Variants in SEC24D observed in about 807,000 individuals in gnomAD.
SEC24D encodes SEC24 homolog D, COPII component, also known as protein transport protein Sec24D.
A neutral mutation model predicts 116.9 loss-of-function variants in SEC24D; 69 were observed. The observed-to-expected ratio is 0.59, with a 90% CI of 0.49 to 0.72. The LOEUF (loss-of-function observed/expected upper bound fraction) is 0.72, where lower values mean the gene tolerates loss of function less well. SEC24D is among the 30% of genes least tolerant of loss of function. The pLI is 0.00. For synonymous variants in SEC24D, 405 were observed against 442.8 expected (o/e 0.91, Z 1.07); for missense variants, 1,131 against 1,264.1 (o/e 0.89, Z 1.60).
intron 18 of SEC24D, 87 bp from the exon 19 acceptor site, chr4:118,738,466 ATT>A: frequency 4.3e-6 from 4 of 932,008 alleles, no homozygotes; most frequent in Non-Finnish European, 7.0e-6. Flanking sequence ...ACAAGTTGCT[ATT>A]ATCTTCAGAC....
chr4:118,797,022 A>G (rs560622482), intron 8 of SEC24D, among the ~76,000 whole-genome samples: 2 of 152,264 alleles, frequency 1.3e-5, no homozygotes, highest in South Asian at 4.2e-4. Context: ...GCATGTGGGC[A>G]TTCATCACTC....
chr4:118,768,393 A>AT lies in SEC24D; in HGVS notation c.1042-83_1042-82insA, dbSNP rs1727744227. The AT allele has an allele frequency of 1.0e-4, 71 of 711,046 alleles. No homozygotes were observed. The South Asian group carries it at 1.6e-3, about 16-fold the overall frequency. The allele number at this position is 711,046 out of a possible 1,614,324, so 44.0% of individuals were successfully genotyped here. ...ATAATTTGGGAAGTCTTTTAATGGC[A>AT]CTTTTTTTTTTTTTTTTTTGAGACA... is the stretch of plus-strand genomic sequence containing the variant. On this transcript the variant is annotated intron_variant, in intron 8 of 22. Coordinates refer to ENST00000280551, the MANE Select transcript of SEC24D (RefSeq NM_014822.4).
intron 11 of SEC24D, chr4:118,754,173 A>C (rs1726966923): frequency 6.6e-6 from 1 of 152,092 alleles, no homozygotes; most frequent in South Asian, 2.1e-4. Flanking sequence ...TCCCTTCCAA[A>C]AGCACTTGGA....
intron 6 of SEC24D, 100 bp from the exon 7 acceptor site, chr4:118,806,054 T>G: frequency 1.4e-6 from 1 of 711,118 alleles, no homozygotes; most frequent in Non-Finnish European, 2.4e-6. Flanking sequence ...CCTTTTCCCC[T>G]CCTTCTCAAT....
chr4:118,828,128 A>G (rs1469659846), intron 2 of SEC24D, among the ~76,000 whole-genome samples: 1 of 146,048 alleles, frequency 6.8e-6, no homozygotes, highest in African/African-American at 2.5e-5. Context: ...TTTTTTTTTG[A>G]GACAGAATCT....
chr4:118,824,073 A>G (rs1730500648), intron 3 of SEC24D, among the ~76,000 whole-genome samples: 1 of 152,336 alleles, frequency 6.6e-6, no homozygotes, highest in African/African-American at 2.4e-5. Flanking sequence ...CTCAAAACTA[A>G]CATGTATGGT....
At chr4:118,808,147 G>C (rs34742402) in intron 6 of SEC24D, among the ~76,000 whole-genome samples, 22,860 of 152,080 alleles carry the variant, frequency 0.15, 1,829 homozygotes, top group Non-Finnish European at 0.18. Flanking sequence ...TTTTTGTAGA[G>C]ATGGGGTCTA....
At chr4:118,793,466 CAAAAAAA>C (rs70944815) in intron 8 of SEC24D, among the ~76,000 whole-genome samples, 29,064 of 68,270 alleles carry the variant, frequency 0.43, 3,167 homozygotes, top group Non-Finnish European at 0.47. Context: ...GACTCCGTCT[CAAAAAAA>C]AAAAAAAAAA....
At position 118,817,354 on chromosome 4, in the gene SEC24D, A is replaced by G; in HGVS notation, c.307T>C (p.Ser103Pro). The change falls in exon 4 of 23, where the codon TCT becomes CCT. Residue 103 changes from serine to proline, a missense_variant. Coordinates refer to ENST00000280551, the MANE Select transcript of SEC24D (RefSeq NM_014822.4). ...VASSHAPYQP[S>P]AQSSYPGPIS... ...GGACCTGGATAAGAAGATTGTGCAG[A>G]GGGTTGGTATGGTGCATGTGAGGAT... The G allele has an allele frequency of 5.0e-6, 8 of 1,613,934 alleles. No individual in the cohort carries two copies. The highest frequency in any genetic ancestry group is 6.8e-6 in the Non-Finnish European group (8 of 1,179,884).
At chr4:118,738,217 G>C (rs1726060443) in intron 19 of SEC24D, 44 bp downstream of exon 19, 2 of 1,287,746 alleles carry the variant, frequency 1.6e-6, no homozygotes, top group Non-Finnish European at 2.3e-6. Context: ...GAAATGAGTA[G>C]TCGTTTGTAA....
intron 1 of SEC24D, among the ~76,000 whole-genome samples, chr4:118,834,985 T>G (rs746186396): frequency 6.6e-6 from 1 of 152,196 alleles, no homozygotes; most frequent in Non-Finnish European, 1.5e-5. Context: ...GTAAAAATAT[T>G]ATGAGATCAT....
intron 1 of SEC24D, among the ~76,000 whole-genome samples, chr4:118,835,600 A>T (rs2110549248): frequency 6.6e-6 from 1 of 152,324 alleles, no homozygotes; most frequent in East Asian, 1.9e-4. Flanking sequence ...CTTCCTTCAA[A>T]AAAGGAAATT....
chr4:118,777,216 T>C (rs1048762737), intron 8 of SEC24D, among the ~76,000 whole-genome samples: 24 of 152,154 alleles, frequency 1.6e-4, no homozygotes, highest in Admixed American at 1.6e-3. Context: ...GCTGCACCCA[T>C]TAACTCATCA....
At chr4:118,798,761 G>A (rs1425398205) in intron 7 of SEC24D, among the ~76,000 whole-genome samples, 1 of 152,202 alleles carries the variant, frequency 6.6e-6, no homozygotes, top group Non-Finnish European at 1.5e-5. Context: ...TTACAAGGTA[G>A]GCCTTATTTA....
At chr4:118,725,127 A>G (rs1013471494) in intron 22 of SEC24D, among the ~76,000 whole-genome samples, 1 of 152,202 alleles carries the variant, frequency 6.6e-6, no homozygotes, top group African/African-American at 2.4e-5. Context: ...GCCCCGACCT[A>G]GTAAAAATAA....
At chr4:118,829,008 A>G (rs751975684) in intron 2 of SEC24D, among the ~76,000 whole-genome samples, 9 of 152,174 alleles carry the variant, frequency 5.9e-5, no homozygotes, top group Non-Finnish European at 1.2e-4. Context: ...TCCGGGAAGG[A>G]GCCCTTCCAC....
intron 8 of SEC24D, among the ~76,000 whole-genome samples, chr4:118,783,820 T>C (rs1368920653): frequency 6.6e-6 from 1 of 152,206 alleles, no homozygotes; most frequent in African/African-American, 2.4e-5. Flanking sequence ...TGTCCAAATA[T>C]GTCTAAAACT....
At chr4:118,740,627 TA>T in intron 17 of SEC24D, 35 bp downstream of exon 17, 2 of 1,606,696 alleles carry the variant, frequency 1.2e-6, no homozygotes, top group Admixed American at 1.7e-5. Context: ...GGCAACAAAC[TA>T]AAATAACGAA....
At chr4:118,799,465 TA>T (rs1005954335) in intron 7 of SEC24D, among the ~76,000 whole-genome samples, 1 of 152,154 alleles carries the variant, frequency 6.6e-6, no homozygotes, top group African/African-American at 2.4e-5. Context: ...GAGACTGGGC[TA>T]AAGTCTGGGG....
Sources: gnomAD v4.1 joint callset for allele counts (sites outside exome capture counted in the v4.1 genomes callset) on GRCh38, gnomAD v4.1.1 for gene constraint, MANE v1.5 for transcripts, NCBI Gene and HGNC (gene_info 2026-07-23, HGNC 2026-07-21) for gene names.